Variants in ACSM1 observed in about 807,000 individuals in gnomAD.
ACSM1 encodes the protein acyl-coenzyme A synthetase ACSM1, mitochondrial.
In ACSM1, 79 loss-of-function variants were observed where a neutral mutation model predicts 75.8. The observed-to-expected ratio is 1.04, with a 90% CI of 0.87 to 1.26. The LOEUF (loss-of-function observed/expected upper bound fraction) is 1.26, where lower values mean the gene tolerates loss of function less well. Ranked by LOEUF, ACSM1 falls within the 50% of genes most tolerant of loss-of-function variation. The pLI, the probability that ACSM1 is intolerant of heterozygous loss-of-function variation, is 0.00. For missense variants in ACSM1, 676 were observed against 720.1 expected (o/e 0.94, Z 0.70); for synonymous variants, 279 against 265.8 (o/e 1.05, Z -0.48).
chr16:20,672,471 A>AAAAAAAAATATATAT (rs1555473775), intron 4 of ACSM1, among the ~76,000 whole-genome samples: 65 of 64,536 alleles, frequency 1.0e-3, no homozygotes, highest in East Asian at 2.6e-3. Flanking sequence ...AAAAAAAAAA[A>AAAAAAAAATATATAT]ATATATATAT....
chr16:20,665,173 T>C (rs983456748), intron 6 of ACSM1, among the ~76,000 whole-genome samples: 1 of 152,052 alleles, frequency 6.6e-6, no homozygotes, highest in Admixed American at 6.6e-5. Flanking sequence ...GAAATTAAGA[T>C]GCAAAAGTTT....
At chr16:20,644,094 T>C (rs1330071869) in intron 7 of ACSM1, among the ~76,000 whole-genome samples, 1 of 152,132 alleles carries the variant, frequency 6.6e-6, no homozygotes, top group African/African-American at 2.4e-5. Context: ...ACACAAAAGT[T>C]CTCCAAGTCC....
At chr16:20,690,654 A>G (rs2079635872) in intron 2 of ACSM1, among the ~76,000 whole-genome samples, 1 of 152,216 alleles carries the variant, frequency 6.6e-6, no homozygotes, top group Non-Finnish European at 1.5e-5. Context: ...TGTCCCATTC[A>G]CTGAAGATGA....
chr16:20,662,324 A>C (rs1458771523), intron 6 of ACSM1, among the ~76,000 whole-genome samples: 1 of 152,168 alleles, frequency 6.6e-6, no homozygotes, highest in Admixed American at 6.5e-5. Flanking sequence ...AGATAGATGA[A>C]ATAACAAGAA....
At chr16:20,633,027 A>C (rs2017441178) in intron 10 of ACSM1, among the ~76,000 whole-genome samples, 1 of 152,224 alleles carries the variant, frequency 6.6e-6, no homozygotes, top group Non-Finnish European at 1.5e-5. Context: ...CAACATGATG[A>C]GGCCACATAT....
chr16:20,692,061 C>G (rs561672175), intron 1 of ACSM1, among the ~76,000 whole-genome samples: 1 of 152,266 alleles, frequency 6.6e-6, no homozygotes, highest in African/African-American at 2.4e-5. Context: ...AAAGATTCTC[C>G]TTTGCCTGAG....
intron 7 of ACSM1, among the ~76,000 whole-genome samples, chr16:20,658,662 A>G (rs1398720103): frequency 2.2e-4 from 34 of 152,182 alleles, no homozygotes; most frequent in Non-Finnish European, 1.5e-5. Context: ...ATACCAGTAT[A>G]TGGTGCAATA....
intron 7 of ACSM1, among the ~76,000 whole-genome samples, chr16:20,644,386 G>C (rs1056619685): frequency 6.6e-6 from 1 of 152,158 alleles, no homozygotes; most frequent in Admixed American, 6.5e-5. Context: ...GTGAGGAAAA[G>C]GTGATTTAAC....
intron 2 of ACSM1, 145 bp from the exon 3 acceptor site, chr16:20,685,548 G>T (rs575701245): frequency 1.0e-5 from 8 of 772,918 alleles, no homozygotes; most frequent in Non-Finnish European, 1.7e-5. Flanking sequence ...ACAGCCAGGC[G>T]CAGTGGCTCA....
chr16:20,635,011 T>A (rs1284496222), intron 10 of ACSM1, among the ~76,000 whole-genome samples: 1 of 152,040 alleles, frequency 6.6e-6, no homozygotes, highest in African/African-American at 2.4e-5. Context: ...CCCAAAGAAG[T>A]CCCAATGGAG....
At chr16:20,633,339 C>T (rs1404281150) in intron 10 of ACSM1, among the ~76,000 whole-genome samples, 1 of 152,120 alleles carries the variant, frequency 6.6e-6, no homozygotes, top group African/African-American at 2.4e-5. Flanking sequence ...AGAATCCATA[C>T]ACACACAAAA....
intron 6 of ACSM1, among the ~76,000 whole-genome samples, chr16:20,668,850 A>G (rs568638443): frequency 6.6e-6 from 1 of 152,188 alleles, no homozygotes. Flanking sequence ...GTTCAAAGGA[A>G]GGCATTTTAG....
rs79553950 is a variant in ACSM1, at chr16:20,688,708, C to A, written c.192+2289G>T. 3.7e-3 allele frequency among the ~76,000 whole-genome samples: 557 copies of A among 151,972 alleles called. 3 individuals carry two copies. The highest frequency in any genetic ancestry group is 0.012 in the African/African-American group (514 of 41,530). On this transcript the variant is annotated intron_variant, in intron 2 of 13. Transcript: ENST00000520010. ...AAAGTAAAGGGGAAATTAGGGTATTCCCAGATAAACAAAAGTCAAAGTTCA... is the reference window on the plus strand; with the variant it reads ...AAAGTAAAGGGGAAATTAGGGTATTACCAGATAAACAAAAGTCAAAGTTCA...
chr16:20,690,925 G>A, intron 2 of ACSM1, 72 bp downstream of exon 2: 2 of 1,471,340 alleles, frequency 1.4e-6, no homozygotes, highest in South Asian at 2.5e-5. Flanking sequence ...ATACCTTTCA[G>A]CCTAGTAGGA....
intron 2 of ACSM1, among the ~76,000 whole-genome samples, chr16:20,685,850 A>AAAAAAAAAAT (rs2079545011): frequency 6.8e-6 from 1 of 146,466 alleles, no homozygotes. Context: ...AAAAAAACAA[A>AAAAAAAAAAT]AAACTTATAG....
In ACSM1 at chr16:20,648,919, T is replaced by C. The variant is rs1018040733; in HGVS notation, c.993-8335A>G. On this transcript the variant is annotated intron_variant, in intron 7 of 13. Transcript: ENST00000520010. The surrounding 1 kb of genome is among the most constrained non-coding windows in gnomAD (Gnocchi z 4.2). ...ATCTGCTGAGGCTGTGTCACAGGCA[T>C]GTCTTTAACCTTGGCAAAATAACCT... Among the ~76,000 whole-genome samples, 1 of 152,246 alleles carries C rather than the reference T, an allele frequency of 6.6e-6. No homozygotes were observed. Among genetic ancestry groups the C allele is most frequent in the Non-Finnish European group, 1.5e-5 (1 of 68,048 alleles).
At chr16:20,646,245 G>A (rs977964367) in intron 7 of ACSM1, among the ~76,000 whole-genome samples, 1 of 152,212 alleles carries the variant, frequency 6.6e-6, no homozygotes, top group Non-Finnish European at 1.5e-5. Context: ...AGTCTACAAG[G>A]ACACTTTTAA....
chr16:20,645,725 T>A (rs2018323965), intron 7 of ACSM1, among the ~76,000 whole-genome samples: 1 of 152,178 alleles, frequency 6.6e-6, no homozygotes, highest in African/African-American at 2.4e-5. Context: ...GTTCCCAGTG[T>A]AGACCCTCAT....
At chr16:20,670,091 T>C in intron 5 of ACSM1, 105 bp from the exon 6 acceptor site, 1 of 1,163,562 alleles carries the variant, frequency 8.6e-7, no homozygotes, top group Non-Finnish European at 1.2e-6. Context: ...CACTCTCAGT[T>C]CATGTGATTT....
Sources: gnomAD v4.1 joint callset for allele counts (sites outside exome capture counted in the v4.1 genomes callset) on GRCh38, gnomAD v4.1.1 for gene constraint, Gnocchi (gnomAD v3.1) non-coding constraint, MANE v1.5 for transcripts, NCBI Gene and HGNC (gene_info 2026-07-23, HGNC 2026-07-21) for gene names.